The following PTPRG variants were observed in gnomAD, a reference collection of about 807,000 sequenced individuals.
PTPRG encodes the protein receptor-type tyrosine-protein phosphatase gamma.
PTPRG carries 102 observed loss-of-function variants against 165.3 expected under a neutral mutation model. That is an observed-to-expected ratio of 0.62 (90% CI 0.53 to 0.73). The LOEUF is 0.73. Ranked by LOEUF, PTPRG falls within the 30% of genes least tolerant of loss-of-function variation. The pLI is 0.00. For missense variants in PTPRG, 1,866 were observed against 1,861.4 expected, an observed-to-expected ratio of 1.00 and a Z score of -0.05; for synonymous variants, 675 against 669.5, an observed-to-expected ratio of 1.01 and a Z score of -0.13.
chr3:62,073,593 CTCAGCCTCCCAA>C (rs1331379755), intron 4 of PTPRG, among the ~76,000 whole-genome samples: 1 of 152,102 alleles, frequency 6.6e-6, no homozygotes, highest in African/African-American at 2.4e-5. Flanking sequence ...ATTCTCCTGC[CTCAGCCTCCCAA>C]GTAGCCTCCC....
intron 26 of PTPRG, among the ~76,000 whole-genome samples, chr3:62,280,402 T>A (rs1702390380): frequency 6.6e-6 from 1 of 151,926 alleles, no homozygotes; most frequent in Non-Finnish European, 1.5e-5. Context: ...AATACCTGAT[T>A]TAAATATGGG....
At chr3:62,095,670 C>G (rs74870809) in intron 5 of PTPRG, among the ~76,000 whole-genome samples, 1 of 152,042 alleles carries the variant, frequency 6.6e-6, no homozygotes, top group Non-Finnish European at 1.5e-5. Flanking sequence ...TGCCAATGGA[C>G]ATATGATTCA....
At position 62,271,576 on chromosome 3, in the gene PTPRG, T is replaced by C; in HGVS notation, c.3182+21T>C. 1.2e-6 allele frequency: 2 copies of C among 1,604,464 alleles called. No homozygotes were observed. The highest frequency in any genetic ancestry group is 1.7e-6 in the Non-Finnish European group (2 of 1,174,840). ...TGCAGGTAGGGTCTAGGATTCAACA[T>C]GTGAAATAGATGGGGCAGGGGACTT... is the stretch of plus-strand genomic sequence containing the variant. On this transcript the variant is annotated intron_variant, in intron 21 of 29. Transcript: ENST00000474889. This position sits in a 1 kb window ranked among gnomAD's most constrained non-coding sequence, Gnocchi z 4.1.
At chr3:61,745,051 C>CTTTTTTTTTTTTTTTT (rs10669472) in intron 1 of PTPRG, among the ~76,000 whole-genome samples, 3 of 111,626 alleles carry the variant, frequency 2.7e-5, no homozygotes, top group Admixed American at 1.1e-4. Context: ...CATTCCCTCA[C>CTTTTTTTTTTTTTTTT]TTTTTTTTTT....
At chr3:62,084,190 G>A (rs1294696293) in intron 5 of PTPRG, among the ~76,000 whole-genome samples, 1 of 152,154 alleles carries the variant, frequency 6.6e-6, no homozygotes, top group African/African-American at 2.4e-5. Context: ...TGTATCCAGA[G>A]ATCTAGTCAA....
intron 1 of PTPRG, among the ~76,000 whole-genome samples, chr3:61,608,328 G>A (rs915359086): frequency 6.6e-6 from 1 of 152,188 alleles, no homozygotes; most frequent in Admixed American, 6.5e-5. Flanking sequence ...CTAGCTCCAG[G>A]TTGGCTATAT....
intron 1 of PTPRG, among the ~76,000 whole-genome samples, chr3:61,666,928 G>A (rs976298146): frequency 6.6e-6 from 1 of 152,142 alleles, no homozygotes; most frequent in Non-Finnish European, 1.5e-5. Context: ...GAGTGAATGG[G>A]TGACTTCAAT....
intron 4 of PTPRG, among the ~76,000 whole-genome samples, chr3:62,048,261 G>A (rs1485491260): frequency 6.6e-6 from 1 of 152,134 alleles, no homozygotes; most frequent in East Asian, 1.9e-4. Flanking sequence ...TCCACATGAG[G>A]CAGTGTCTAC....
At chr3:61,568,620 T>G (rs1649128805) in intron 1 of PTPRG, among the ~76,000 whole-genome samples, 1 of 152,118 alleles carries the variant, frequency 6.6e-6, no homozygotes, top group African/African-American at 2.4e-5. Context: ...AAAAAAAATT[T>G]TTTTTTTGGC....
chr3:61,978,499 T>C (rs2040560264), intron 2 of PTPRG, among the ~76,000 whole-genome samples: 1 of 117,542 alleles, frequency 8.5e-6, no homozygotes, highest in Admixed American at 7.5e-5. Context: ...TGTAATAAAA[T>C]AAGTTTGTAA....
intron 4 of PTPRG, among the ~76,000 whole-genome samples, chr3:62,018,662 A>G (rs972263195): frequency 1.3e-5 from 2 of 152,256 alleles, no homozygotes; most frequent in African/African-American, 4.8e-5. Flanking sequence ...AATAAAACTC[A>G]TCAGGTAATG....
At chr3:62,125,756 C>A (rs1703267098) in intron 5 of PTPRG, among the ~76,000 whole-genome samples, 1 of 150,446 alleles carries the variant, frequency 6.6e-6, no homozygotes, top group Non-Finnish European at 1.5e-5. Context: ...GCTTAAGACT[C>A]TAGGTCATGC....
chr3:61,930,760 C>T (rs527724513), intron 2 of PTPRG, among the ~76,000 whole-genome samples: 6 of 152,144 alleles, frequency 3.9e-5, no homozygotes, highest in South Asian at 4.2e-4. Flanking sequence ...AAGGAGAGCA[C>T]GTAAAAGAAG....
At chr3:61,935,601 A>G (rs2039466203) in intron 2 of PTPRG, among the ~76,000 whole-genome samples, 1 of 151,994 alleles carries the variant, frequency 6.6e-6, no homozygotes, top group African/African-American at 2.4e-5. Flanking sequence ...CACTGTTAGT[A>G]TACTTGTGCC....
intron 20 of PTPRG, among the ~76,000 whole-genome samples, chr3:62,270,122 C>A (rs543225285): frequency 6.6e-6 from 1 of 151,712 alleles, no homozygotes; most frequent in African/African-American, 2.4e-5. Context: ...TGTAAATAGA[C>A]GCTCATTAAA....
At chr3:62,011,279 A>G (rs2041417615) in intron 4 of PTPRG, among the ~76,000 whole-genome samples, 1 of 152,202 alleles carries the variant, frequency 6.6e-6, no homozygotes, top group Admixed American at 6.5e-5. Context: ...TGCACAAAGT[A>G]TCTGGTGTAA....
At chr3:61,836,305 C>T (rs185299756) in intron 2 of PTPRG, among the ~76,000 whole-genome samples, 76 of 152,092 alleles carry the variant, frequency 5.0e-4, no homozygotes, top group African/African-American at 1.8e-3. Context: ...ATTCATGTAC[C>T]CCTCACCTTC....
chr3:62,166,873 T>G (rs1257728095), intron 7 of PTPRG, among the ~76,000 whole-genome samples: 3 of 151,894 alleles, frequency 2.0e-5, no homozygotes, highest in Non-Finnish European at 2.9e-5. Context: ...ATTTTTTATA[T>G]AGGCAGGGTC....
At chr3:61,721,372 A>G (rs2032036470) in intron 1 of PTPRG, among the ~76,000 whole-genome samples, 1 of 152,228 alleles carries the variant, frequency 6.6e-6, no homozygotes, top group Non-Finnish European at 1.5e-5. Context: ...TGCCTCCAGT[A>G]GAGATGTTTA....
Sources: allele counts gnomAD v4.1 joint callset (sites outside exome capture counted in the v4.1 genomes callset), GRCh38; gene constraint gnomAD v4.1.1; non-coding constraint Gnocchi (gnomAD v3.1); transcripts MANE v1.5; gene names NCBI Gene and HGNC (gene_info 2026-07-23, HGNC 2026-07-21).